The following PHF21A variants were observed in gnomAD, a reference collection of about 807,000 sequenced individuals.
PHF21A encodes the protein PHD finger protein 21A, also known as BHC80a.
In PHF21A, 11 loss-of-function variants were observed where a neutral mutation model predicts 82.5. The ratio of observed to expected loss-of-function variants is 0.13; its 90% CI spans 0.08 to 0.22. PHF21A has a LOEUF of 0.22. Among genes scored for constraint, PHF21A ranks in the 10% least tolerant of loss-of-function variants. The pLI, the probability that PHF21A is intolerant of heterozygous loss-of-function variation, is 1.00. For missense variants in PHF21A, 579 were observed against 837.8 expected, an observed-to-expected ratio of 0.69 and a Z score of 3.81; for synonymous variants, 297 against 302.8, an observed-to-expected ratio of 0.98 and a Z score of 0.20.
intron 1 of PHF21A, among the ~76,000 whole-genome samples, chr11:46,114,103 A>G (rs528111209): frequency 6.6e-6 from 1 of 150,476 alleles, no homozygotes. Context: ...ACACACACAC[A>G]CGCACACATC....
At chr11:46,007,966 T>C (rs986491205) in intron 6 of PHF21A, among the ~76,000 whole-genome samples, 3 of 152,252 alleles carry the variant, frequency 2.0e-5, no homozygotes, top group Non-Finnish European at 4.4e-5. Context: ...TTCTTCTTTT[T>C]CTGTCTGTAC....
At chr11:46,042,953 C>T (rs752198995) in intron 6 of PHF21A, among the ~76,000 whole-genome samples, 1 of 152,114 alleles carries the variant, frequency 6.6e-6, no homozygotes, top group African/African-American at 2.4e-5. Flanking sequence ...TTTGTTATAG[C>T]AGCCTGAATG....
At chr11:45,948,224 A>G (rs1364265346) in intron 14 of PHF21A, among the ~76,000 whole-genome samples, 1 of 152,250 alleles carries the variant, frequency 6.6e-6, no homozygotes, top group African/African-American at 2.4e-5. Flanking sequence ...TTAGACTTGC[A>G]TGGTGAGAGA....
chr11:46,048,880 T>C (rs2096299330), intron 6 of PHF21A, among the ~76,000 whole-genome samples: 1 of 152,240 alleles, frequency 6.6e-6, no homozygotes, highest in East Asian at 1.9e-4. Flanking sequence ...GGTAAGTCTA[T>C]GTTTAATATT....
intron 4 of PHF21A, among the ~76,000 whole-genome samples, chr11:46,083,095 T>G (rs1451819585): frequency 6.6e-6 from 1 of 152,092 alleles, no homozygotes; most frequent in African/African-American, 2.4e-5. Context: ...GTTAAACTAA[T>G]TTCACTCAGA....
At chr11:46,075,093 C>T (rs1214068849) in intron 6 of PHF21A, among the ~76,000 whole-genome samples, 2 of 152,112 alleles carry the variant, frequency 1.3e-5, no homozygotes, top group Non-Finnish European at 2.9e-5. Flanking sequence ...GTTCAGAGAA[C>T]AATTAGAGCT....
At chr11:46,024,988 A>G (rs1437265829) in intron 6 of PHF21A, among the ~76,000 whole-genome samples, 1 of 152,192 alleles carries the variant, frequency 6.6e-6, no homozygotes, top group Non-Finnish European at 1.5e-5. Flanking sequence ...GCTACTCAAG[A>G]TCAGCATTAT....
intron 1 of PHF21A, among the ~76,000 whole-genome samples, chr11:46,101,106 A>G (rs2097090248): frequency 6.6e-6 from 1 of 152,210 alleles, no homozygotes; most frequent in South Asian, 2.1e-4. Context: ...CACAGACAGG[A>G]AAGTGTACAT....
rs774462249 is a variant in PHF21A at position 45,949,459 on chromosome 11, C to T, written c.1170G>A (p.Glu390=). Residue 390 remains glutamate, a synonymous_variant, in exon 13 of 19, where the codon GAG becomes GAA. Coordinates refer to ENST00000676320, the MANE Select transcript of PHF21A (RefSeq NM_001352027.3). ...GATTTGCTGTTGTTCTTCTTTTTCGCTCTTGCCTCTTGCTTTGGATTTCTT... is the reference window on the plus strand; with the variant it reads ...GATTTGCTGTTGTTCTTCTTTTTCGTTCTTGCCTCTTGCTTTGGATTTCTT... The part of the protein sequence containing the change: ...HLEEIQSKRQ[E]RKRRTTANPV... The T allele has an allele frequency of 6.2e-7, 1 of 1,614,094 alleles. No individual in the cohort carries two copies. The highest frequency in any genetic ancestry group is 8.5e-7 in the Non-Finnish European group (1 of 1,180,022).
chr11:45,950,015 G>A (rs1400734759), intron 12 of PHF21A, among the ~76,000 whole-genome samples, 191 bp downstream of exon 12: 1 of 152,174 alleles, frequency 6.6e-6, no homozygotes, highest in East Asian at 1.9e-4. Flanking sequence ...CAGGACAGTA[G>A]TGTGGATAAT....
At chr11:46,101,861 T>G (rs982639469) in intron 1 of PHF21A, among the ~76,000 whole-genome samples, 5 of 143,692 alleles carry the variant, frequency 3.5e-5, no homozygotes, top group Admixed American at 6.9e-5. Flanking sequence ...GTCTCCCTCT[T>G]TTTTTTTTTT....
chr11:46,061,701 C>G (rs1486761005), intron 6 of PHF21A, among the ~76,000 whole-genome samples: 1 of 152,216 alleles, frequency 6.6e-6, no homozygotes, highest in African/African-American at 2.4e-5. Flanking sequence ...CCAACCTAAA[C>G]TGGCTGTTTT....
chr11:45,937,820 T>G (rs1369669242), intron 16 of PHF21A, among the ~76,000 whole-genome samples: 1 of 152,224 alleles, frequency 6.6e-6, no homozygotes, highest in Non-Finnish European at 1.5e-5. Flanking sequence ...CAATTTCCCT[T>G]AATTTCATTC....
intron 4 of PHF21A, among the ~76,000 whole-genome samples, chr11:46,082,113 G>C (rs900125615): frequency 1.3e-5 from 2 of 152,098 alleles, no homozygotes; most frequent in Non-Finnish European, 2.9e-5. Flanking sequence ...AATATTTACT[G>C]AACATCAACT....
chr11:46,079,018 AGAAAT>A, intron 5 of PHF21A, 111 bp downstream of exon 5: 2 of 592,928 alleles, frequency 3.4e-6, no homozygotes, highest in Middle Eastern at 4.7e-4. Context: ...AATTGCTATT[AGAAAT>A]GAAATAATTC....
chr11:46,002,767 A>G (rs1445416693), intron 6 of PHF21A, among the ~76,000 whole-genome samples: 1 of 151,960 alleles, frequency 6.6e-6, no homozygotes, highest in Non-Finnish European at 1.5e-5. Context: ...ACCCCCTCAA[A>G]CCCCTCCACA....
chr11:46,060,311 T>C (rs1343731147), intron 6 of PHF21A, among the ~76,000 whole-genome samples: 1 of 152,174 alleles, frequency 6.6e-6, no homozygotes, highest in Non-Finnish European at 1.5e-5. Flanking sequence ...GAATTACTTT[T>C]ATAAACTTTT....
At chr11:46,050,077 G>A (rs755338228) in intron 6 of PHF21A, among the ~76,000 whole-genome samples, 1 of 152,226 alleles carries the variant, frequency 6.6e-6, no homozygotes, top group Non-Finnish European at 1.5e-5. Flanking sequence ...TTCCCCAGCA[G>A]AGTTAGCGAT....
At chr11:46,073,127 G>C (rs900057177) in intron 6 of PHF21A, among the ~76,000 whole-genome samples, 4 of 152,018 alleles carry the variant, frequency 2.6e-5, no homozygotes, top group Non-Finnish European at 5.9e-5. Flanking sequence ...AGGAGATCTA[G>C]ACCATCCTGG....
Sources: gnomAD v4.1 joint callset for allele counts (sites outside exome capture counted in the v4.1 genomes callset) on GRCh38, gnomAD v4.1.1 for gene constraint, MANE v1.5 for transcripts, NCBI Gene and HGNC (gene_info 2026-07-23, HGNC 2026-07-21) for gene names.